HNF4G: variants seen among roughly 807,000 people sequenced by gnomAD.
The protein encoded by HNF4G is hepatocyte nuclear factor 4-gamma.
A neutral mutation model predicts 50.9 loss-of-function variants in HNF4G; 21 were observed. The observed-to-expected ratio is 0.41, with a 90% CI of 0.29 to 0.59. The LOEUF (loss-of-function observed/expected upper bound fraction) is 0.59. Ranked by LOEUF, HNF4G falls within the 20% of genes least tolerant of loss-of-function variation. The pLI is 0.26. For synonymous variants in HNF4G, 198 were observed against 185.6 expected, an observed-to-expected ratio of 1.07 and a Z score of -0.54; for missense variants, 527 against 559.4, an observed-to-expected ratio of 0.94 and a Z score of 0.58.
chr8:75,459,305 T>C (rs1283747250), intron 1 of HNF4G, among the ~76,000 whole-genome samples: 1 of 152,190 alleles, frequency 6.6e-6, no homozygotes, highest in Non-Finnish European at 1.5e-5. Context: ...CATGAGTTCT[T>C]AGGAAAGAAA....
chr8:75,510,512 G>T (rs1390656842), intron 2 of HNF4G, among the ~76,000 whole-genome samples: 4 of 152,116 alleles, frequency 2.6e-5, no homozygotes, highest in Admixed American at 1.3e-4. Flanking sequence ...CATGGTAGGT[G>T]CCCTTGACAA....
At chr8:75,557,614 CT>C (rs1289598498) in intron 6 of HNF4G, among the ~76,000 whole-genome samples, 5 of 152,152 alleles carry the variant, frequency 3.3e-5, no homozygotes, top group Admixed American at 6.5e-5. Context: ...GAGACTCCAT[CT>C]AAAAACACAA....
chr8:75,488,751 C>A (rs1812552156), intron 1 of HNF4G, among the ~76,000 whole-genome samples: 1 of 152,176 alleles, frequency 6.6e-6, no homozygotes, highest in East Asian at 1.9e-4. Flanking sequence ...ATCTCAGTAT[C>A]TTTGATAGCC....
At chr8:75,500,443 T>C (rs926677187) in intron 2 of HNF4G, among the ~76,000 whole-genome samples, 1 of 152,120 alleles carries the variant, frequency 6.6e-6, no homozygotes, top group Admixed American at 6.6e-5. Flanking sequence ...CCAACTGCTC[T>C]GGGAAAATGT....
intron 1 of HNF4G, among the ~76,000 whole-genome samples, chr8:75,470,028 G>T (rs4601286): frequency 0.33 from 50,156 of 151,924 alleles, 9,240 homozygotes; most frequent in African/African-American, 0.48. Context: ...GAATACTGAC[G>T]TCAAAACTCT....
chr8:75,434,422 G>A (rs1811089736), intron 1 of HNF4G, among the ~76,000 whole-genome samples: 1 of 151,960 alleles, frequency 6.6e-6, no homozygotes, highest in African/African-American at 2.4e-5. Flanking sequence ...GAAACAAAAG[G>A]AGAAGTTAAG....
chr8:75,557,477 T>C (rs1416743167), intron 6 of HNF4G, among the ~76,000 whole-genome samples: 1 of 151,992 alleles, frequency 6.6e-6, no homozygotes, highest in East Asian at 1.9e-4. Flanking sequence ...AAAAATTAAC[T>C]GGGCGTGGTG....
chr8:75,421,833 T>A lies in HNF4G; in HGVS notation c.-144+13671T>A, dbSNP rs116855493. On this transcript the variant is annotated intron_variant, in intron 1 of 10. Transcript: ENST00000354370. ...GCATAGACCATCTCGTCTCTCCACA[T>A]GCACGGTGCACGTGGAGATTGCCTT... Among the ~76,000 whole-genome samples, 768 of 152,310 alleles carry A rather than the reference T, an allele frequency of 5.0e-3. 4 individuals carry two copies. The highest frequency in any genetic ancestry group is 0.02 in the East Asian group (101 of 5,170).
Position 75,558,620 on chromosome 8 carries a change from T to C in HNF4G, c.836T>C (p.Ile279Thr). ...GTTAGACCATTTCAAGAAATCCAGA[T>C]TGATGACAATGAGTATGCTTGTTTA... is the stretch of plus-strand genomic sequence containing the variant. ...ELVRPFQEIQ[I>T]DDNEYACLKA... The change falls in exon 7 of 10, where the codon ATT (isoleucine) becomes ACT (threonine). Residue 279 changes from isoleucine (I) to threonine (T), a missense_variant. This residue lies in a region of HNF4G where 308 missense variants were observed against 301.5 expected (regional missense o/e 1.02). Transcript: ENST00000396423. 1.2e-6 allele frequency: 2 copies of C among 1,614,032 alleles called. No individual in the cohort carries two copies. The highest frequency in any genetic ancestry group is 1.7e-6 in the Non-Finnish European group (2 of 1,179,934).
At chr8:75,426,091 A>G (rs571454156) in intron 1 of HNF4G, among the ~76,000 whole-genome samples, 1 of 152,360 alleles carries the variant, frequency 6.6e-6, no homozygotes, top group Non-Finnish European at 1.5e-5. Flanking sequence ...GAGTCTAGAA[A>G]CAACTAATTC....
At chr8:75,511,019 T>C (rs1805736379) in intron 2 of HNF4G, among the ~76,000 whole-genome samples, 1 of 152,138 alleles carries the variant, frequency 6.6e-6, no homozygotes, top group African/African-American at 2.4e-5. Flanking sequence ...TAAGGAGATG[T>C]GTCAATATAT....
intron 2 of HNF4G, among the ~76,000 whole-genome samples, chr8:75,504,188 T>G (rs1813003776): frequency 6.7e-6 from 1 of 149,036 alleles, no homozygotes; most frequent in African/African-American, 2.5e-5. Flanking sequence ...GCCACTGCAC[T>G]CCAGGCTAGG....
intron 2 of HNF4G, among the ~76,000 whole-genome samples, chr8:75,521,599 G>C (rs1034870594): frequency 1.3e-5 from 2 of 152,014 alleles, no homozygotes; most frequent in Non-Finnish European, 2.9e-5. Context: ...GGTTCTAGCA[G>C]TTTCAGCCAG....
At chr8:75,486,292 C>T (rs1394085010) in intron 1 of HNF4G, among the ~76,000 whole-genome samples, 1 of 152,188 alleles carries the variant, frequency 6.6e-6, no homozygotes, top group Non-Finnish European at 1.5e-5. Context: ...TTCTGCATGT[C>T]TTAAAGTATA....
intron 1 of HNF4G, among the ~76,000 whole-genome samples, chr8:75,415,970 T>G (rs1585822371): frequency 6.6e-6 from 1 of 152,182 alleles, no homozygotes; most frequent in Non-Finnish European, 1.5e-5. Context: ...AAAATGACAA[T>G]TCACAGTTAT....
At chr8:75,484,860 T>C (rs1812462603) in intron 1 of HNF4G, among the ~76,000 whole-genome samples, 1 of 152,160 alleles carries the variant, frequency 6.6e-6, no homozygotes, top group Non-Finnish European at 1.5e-5. Flanking sequence ...ACCAAAAACT[T>C]ATGAAGTAGA....
At chr8:75,471,398 C>T (rs922013896) in intron 1 of HNF4G, among the ~76,000 whole-genome samples, 4 of 152,122 alleles carry the variant, frequency 2.6e-5, no homozygotes, top group Admixed American at 2.6e-4. Flanking sequence ...TATTTGCAAT[C>T]ACCACCTGGA....
At chr8:75,414,232 C>T (rs1810573675) in intron 1 of HNF4G, among the ~76,000 whole-genome samples, 1 of 152,012 alleles carries the variant, frequency 6.6e-6, no homozygotes, top group African/African-American at 2.4e-5. Context: ...TTGCCTTTTC[C>T]AGGATAATAT....
chr8:75,491,184 C>G (rs1812620320), intron 2 of HNF4G, among the ~76,000 whole-genome samples: 2 of 152,066 alleles, frequency 1.3e-5, no homozygotes, highest in African/African-American at 4.8e-5. Flanking sequence ...TAACATCTAT[C>G]CCAAGGATTA....
Sources: allele counts gnomAD v4.1 joint callset (sites outside exome capture counted in the v4.1 genomes callset), GRCh38; gene constraint gnomAD v4.1.1; regional missense constraint gnomAD v4.1.1; transcripts MANE v1.5; gene names NCBI Gene and HGNC (gene_info 2026-07-23, HGNC 2026-07-21).